GALNS: variants seen among roughly 807,000 people sequenced by gnomAD.
The protein encoded by GALNS is N-acetylgalactosamine-6-sulfatase.
In GALNS, 65 loss-of-function variants were observed where a neutral mutation model predicts 65.9. The ratio of observed to expected loss-of-function variants is 0.99; its 90% CI spans 0.81 to 1.21. GALNS has a LOEUF of 1.21. GALNS is among the 50% of genes most tolerant of loss of function. The probability of loss-of-function intolerance (pLI) is 0.00; values close to 1 mark genes in which losing one functional copy is unlikely to be tolerated. For synonymous variants in GALNS, 346 were observed against 288.9 expected (o/e 1.20, Z -2.00); for missense variants, 776 against 700.7 (o/e 1.11, Z -1.21).
rs1003620065 is a variant in GALNS, at chr16:88,823,831, C to G, written c.1242+936G>C. Among the ~76,000 whole-genome samples, 25 of 148,448 alleles carry G rather than the reference C, an allele frequency of 1.7e-4. 2 individuals are homozygous for G. The highest frequency in any genetic ancestry group is 3.1e-4 in the Non-Finnish European group (21 of 66,764). On this transcript the variant is annotated intron_variant, in intron 11 of 13. Transcript: ENST00000268695. ...CCTCGCAGGCGGCAATGCCGGGGAC[C>G]GATGCCCAGGACGGCCCTCACAGGC... is the stretch of plus-strand genomic sequence containing the variant.
intron 9 of GALNS, among the ~76,000 whole-genome samples, chr16:88,830,043 C>T (rs12325566): frequency 0.011 from 1,620 of 152,068 alleles, 27 homozygotes; most frequent in African/African-American, 0.037. Context: ...CCATACTGGC[C>T]AACATAGTGA....
At chr16:88,824,684 C>G in intron 11 of GALNS, 83 bp downstream of exon 11, 1 of 1,133,130 alleles carries the variant, frequency 8.8e-7, no homozygotes. Flanking sequence ...CCCTCCTGTG[C>G]CTCCCCCAGG....
In GALNS at chr16:88,856,919, C is replaced by T; in HGVS notation, c.-42G>A. On this transcript the variant is annotated 5_prime_UTR_variant, in exon 1 of 14. Coordinates refer to ENST00000268695, the MANE Select transcript of GALNS (RefSeq NM_000512.5). Reference sequence around the variant, plus strand: ...GCGGAGCCCCGGCCAGCGAGCCGACCTAGCGAGCGTCCGCCGGCCCTTCCG... The same window carrying T: ...GCGGAGCCCCGGCCAGCGAGCCGACTTAGCGAGCGTCCGCCGGCCCTTCCG... 4 of 1,486,176 alleles carry T rather than the reference C, an allele frequency of 2.7e-6. No homozygotes were observed. The highest frequency in any genetic ancestry group is 1.3e-5 in the South Asian group (1 of 79,128). The allele number at this position is 1,486,176 out of a possible 1,614,324, so 92.1% of individuals were successfully genotyped here. A position where few individuals can be genotyped will look rare whatever the true frequency, so the allele number is the denominator to read the frequency against.
intron 13 of GALNS, chr16:88,817,182 C>T (rs887948919): frequency 3.0e-6 from 3 of 985,344 alleles, no homozygotes. Context: ...CTATGGGACC[C>T]CCAAGCAGGG....
At chr16:88,851,429 C>T (rs182094951) in intron 1 of GALNS, among the ~76,000 whole-genome samples, 98 of 152,266 alleles carry the variant, frequency 6.4e-4, no homozygotes, top group African/African-American at 2.3e-3. Context: ...CGGGCTGCAG[C>T]TCCCAGCGTG....
At chr16:88,814,952 C>CA (rs1440666101) in intron 13 of GALNS, 1 of 840,024 alleles carries the variant, frequency 1.2e-6, no homozygotes, top group Non-Finnish European at 1.4e-6. Flanking sequence ...AGGCTGGTCT[C>CA]AAACTTCTGA....
chr16:88,856,514 C>T, intron 1 of GALNS: 1 of 698,032 alleles, frequency 1.4e-6, no homozygotes, highest in Non-Finnish European at 2.6e-6. Flanking sequence ...GATCGGTGAC[C>T]GCCGAGACCC....
chr16:88,828,561 C>A (rs991625152), intron 9 of GALNS, among the ~76,000 whole-genome samples: 2 of 152,234 alleles, frequency 1.3e-5, no homozygotes, highest in Admixed American at 1.3e-4. Flanking sequence ...CTGATGCCAT[C>A]GAATTCAATT....
intron 4 of GALNS, among the ~76,000 whole-genome samples, chr16:88,838,319 G>A (rs1191325595): frequency 6.6e-6 from 1 of 152,162 alleles, no homozygotes; most frequent in Non-Finnish European, 1.5e-5. Flanking sequence ...GGGAGCCCCG[G>A]GGCCTGCCAG....
At chr16:88,851,486 G>C (rs999847593) in intron 1 of GALNS, among the ~76,000 whole-genome samples, 1 of 152,212 alleles carries the variant, frequency 6.6e-6, no homozygotes, top group Non-Finnish European at 1.5e-5. Context: ...TGAGGTGCCT[G>C]GTTCATCCTA....
At chr16:88,825,005 G>T in intron 10 of GALNS, 136 bp from the exon 11 acceptor site, 1 of 743,220 alleles carries the variant, frequency 1.3e-6, no homozygotes, top group East Asian at 2.9e-5. Flanking sequence ...AAAGATGATT[G>T]AAAAGTAAAA....
intron 3 of GALNS, among the ~76,000 whole-genome samples, chr16:88,841,372 C>A (rs1224157225): frequency 6.6e-6 from 1 of 152,168 alleles, no homozygotes; most frequent in African/African-American, 2.4e-5. Context: ...ACCCTCAGGC[C>A]CCACCCTGCC....
intron 1 of GALNS, among the ~76,000 whole-genome samples, chr16:88,854,512 G>A (rs1967678648): frequency 6.6e-6 from 1 of 152,250 alleles, no homozygotes; most frequent in African/African-American, 2.4e-5. Flanking sequence ...ATCAGGGGCA[G>A]TCTCCCTTCT....
At chr16:88,829,199 C>T (rs538973351) in intron 9 of GALNS, among the ~76,000 whole-genome samples, 7 of 152,312 alleles carry the variant, frequency 4.6e-5, no homozygotes, top group Non-Finnish European at 8.8e-5. Flanking sequence ...CTCATGCCAA[C>T]GTCACAGTGT....
rs953219855 is a variant in GALNS, at chr16:88,820,995, C to T, written c.1364+1594G>A. ...TCTGCGGGCACAGGGGGCTCCCAGA[C>T]AGCCCCTCCAGCTCCACAAGGCCCC... is the stretch of plus-strand genomic sequence containing the variant. On this transcript the variant is annotated intron_variant, in intron 12 of 13. Transcript: ENST00000268695. 2.6e-5 allele frequency among the ~76,000 whole-genome samples: 4 copies of T among 152,294 alleles called. No individual in the cohort carries two copies. The South Asian group carries it at 6.2e-4, about 24-fold the overall frequency.
At chr16:88,818,146 C>A in intron 12 of GALNS, 22 bp from the exon 13 acceptor site, 1 of 1,556,812 alleles carries the variant, frequency 6.4e-7, no homozygotes. Flanking sequence ...GAGCTCTGGT[C>A]ACACGGCTGG....
chr16:88,832,167 C>T, intron 8 of GALNS, 66 bp from the exon 9 acceptor site: 14 of 1,374,712 alleles, frequency 1.0e-5, no homozygotes, highest in Non-Finnish European at 1.4e-5. Flanking sequence ...CCCTCCCTCC[C>T]CACTGAGTCA....
intron 1 of GALNS, chr16:88,843,689 G>A (rs1967096978): frequency 6.2e-6 from 1 of 160,772 alleles, no homozygotes; most frequent in African/African-American, 2.4e-5. Context: ...GAGGGGGAGG[G>A]GCCCGGCTGA....
chr16:88,856,825 C>G lies in GALNS; in HGVS notation c.53G>C (p.Ser18Thr), dbSNP rs763093375. ...TRWWQLLLVL[S>T]AAGMGASGAP... ...GCCCGAGGCCCCCATCCCCGCGGCG[C>G]TGAGCACCAGCAACAGCTGCCACCA... is the stretch of plus-strand genomic sequence containing the variant. The change falls in exon 1 of 14, where the codon AGC (serine) becomes ACC (threonine). Residue 18 changes from serine to threonine, a missense_variant. Ser to Thr is a moderately conservative substitution (Grantham distance 58). Transcript: ENST00000268695. 3.9e-6 allele frequency: 6 copies of G among 1,529,596 alleles called. No homozygotes were observed. The highest frequency in any genetic ancestry group is 5.2e-6 in the Non-Finnish European group (6 of 1,148,172). The allele number at this position is 1,529,596 out of a possible 1,614,324, so 94.8% of individuals were successfully genotyped here.
Sources: gnomAD v4.1 joint callset for allele counts (sites outside exome capture counted in the v4.1 genomes callset) on GRCh38, gnomAD v4.1.1 for gene constraint, MANE v1.5 for transcripts, NCBI Gene and HGNC (gene_info 2026-07-23, HGNC 2026-07-21) for gene names.